Variants in IQGAP2 observed in about 807,000 individuals in gnomAD.
IQGAP2 encodes the protein ras GTPase-activating-like protein IQGAP2.
Under a neutral mutation model 201.3 loss-of-function variants are expected in IQGAP2, and 173 were observed. The ratio of observed to expected loss-of-function variants is 0.86; its 90% CI spans 0.76 to 0.98. The LOEUF is 0.98. Ranked by LOEUF, IQGAP2 falls within the 50% of genes least tolerant of loss-of-function variation. The probability of loss-of-function intolerance (pLI) is 0.00; values close to 1 mark genes in which losing one functional copy is unlikely to be tolerated. For missense variants in IQGAP2, 1,687 were observed against 1,864.8 expected (o/e 0.90, Z 1.76); for synonymous variants, 675 against 673.9 (o/e 1.00, Z -0.03).
At chr5:76,452,112 A>G (rs1753790827) in intron 1 of IQGAP2, among the ~76,000 whole-genome samples, 1 of 150,336 alleles carries the variant, frequency 6.7e-6, no homozygotes, top group Non-Finnish European at 1.5e-5. Context: ...GGTATAGAAT[A>G]TTTGGAAAAT....
chr5:76,658,556 A>G lies in IQGAP2; in HGVS notation c.2418A>G (p.Arg806=), dbSNP rs1370796402. Reference sequence around the variant, plus strand: ...TCCAGGAGGAACTAGAGGTTGCACGATTAAGGGAAGAAGTAGTGACCAAGA... The same window carrying G: ...TCCAGGAGGAACTAGAGGTTGCACGGTTAAGGGAAGAAGTAGTGACCAAGA... ...LDFQEELEVA[R]LREEVVTKIR... is the part of the protein sequence containing the mutation. Residue 806 remains arginine, a synonymous_variant, in exon 21 of 36, where the codon CGA becomes CGG. Coordinates refer to ENST00000274364, the MANE Select transcript of IQGAP2 (RefSeq NM_006633.5). 6.2e-7 allele frequency: 1 copy of G among 1,614,010 alleles called. No individual in the cohort carries two copies. Among genetic ancestry groups the G allele is most frequent in the African/African-American group, 1.3e-5 (1 of 74,918 alleles).
At position 76,590,531 on chromosome 5, in the gene IQGAP2, A is replaced by G. The variant is rs774395307; in HGVS notation, c.764A>G (p.Tyr255Cys). 33 of 1,613,642 alleles carry G rather than the reference A, an allele frequency of 2.0e-5. No homozygotes were observed. The highest frequency in any genetic ancestry group is 2.8e-5 in the Non-Finnish European group (33 of 1,179,834). The change falls in exon 8 of 36, where the codon TAT (tyrosine) becomes TGT (cysteine). Residue 255 changes from tyrosine (Y) to cysteine (C), a missense_variant. Tyr to Cys is a radical substitution (Grantham distance 194). Transcript: ENST00000274364. ...GTGGATGACAACCTTGCACCAGAAT[A>G]TCAGAAAGAACTCTGGGATGCCAAA... ...TLVDDNLAPE[Y>C]QKELWDAKKK...
chr5:76,416,443 C>T (rs1436708567), intron 1 of IQGAP2, among the ~76,000 whole-genome samples: 1 of 152,106 alleles, frequency 6.6e-6, no homozygotes, highest in Non-Finnish European at 1.5e-5. Flanking sequence ...AGACGAGAAG[C>T]ACTGTGATAG....
chr5:76,469,714 A>G (rs1233429444), intron 2 of IQGAP2, among the ~76,000 whole-genome samples: 1 of 152,102 alleles, frequency 6.6e-6, no homozygotes, highest in African/African-American at 2.4e-5. Flanking sequence ...TCAAAAAACT[A>G]ATATTGATGG....
intron 5 of IQGAP2, among the ~76,000 whole-genome samples, chr5:76,582,511 A>G (rs908486099): frequency 1.1e-4 from 16 of 152,214 alleles, no homozygotes; most frequent in Admixed American, 8.5e-4. Context: ...TTTCTGCTCT[A>G]CCATGAGGCT....
chr5:76,426,722 T>C (rs1324640066), intron 1 of IQGAP2, among the ~76,000 whole-genome samples: 1 of 152,176 alleles, frequency 6.6e-6, no homozygotes, highest in Non-Finnish European at 1.5e-5. Flanking sequence ...CTAAGGCCCC[T>C]TCCAGCTCTC....
chr5:76,449,224 G>A (rs1208925728), intron 1 of IQGAP2, among the ~76,000 whole-genome samples: 1 of 152,172 alleles, frequency 6.6e-6, no homozygotes, highest in Non-Finnish European at 1.5e-5. Context: ...TTCTCCAGAT[G>A]TGTTTTGCAC....
At chr5:76,547,303 T>G in intron 2 of IQGAP2, 1 of 239,334 alleles carries the variant, frequency 4.2e-6, no homozygotes, top group Non-Finnish European at 6.8e-6. Flanking sequence ...CTTTTGCCAG[T>G]TTTGTTTCTT....
At position 76,535,308 on chromosome 5, in the gene IQGAP2, A is replaced by T. The variant is rs115352191; in HGVS notation, c.147-27088A>T. Reference sequence around the variant, plus strand: ...TACAGGTGAGGGATACTTTGCCTTTATTGGATTTGAAAGTATAAAAAAAAA... The same window carrying T: ...TACAGGTGAGGGATACTTTGCCTTTTTTGGATTTGAAAGTATAAAAAAAAA... On this transcript the variant is annotated intron_variant, in intron 2 of 35. Transcript: ENST00000274364. 7.1e-3 allele frequency among the ~76,000 whole-genome samples: 1,074 copies of T among 152,224 alleles called. 18 individuals carry two copies. The highest frequency in any genetic ancestry group is 0.025 in the African/African-American group (1,029 of 41,544).
At chr5:76,567,481 T>C (rs2150264582) in intron 3 of IQGAP2, among the ~76,000 whole-genome samples, 1 of 152,318 alleles carries the variant, frequency 6.6e-6, no homozygotes, top group South Asian at 2.1e-4. Context: ...GGAGATATTG[T>C]GAGGCACAAA....
At chr5:76,551,610 C>T (rs911599474) in intron 2 of IQGAP2, among the ~76,000 whole-genome samples, 3 of 151,896 alleles carry the variant, frequency 2.0e-5, no homozygotes, top group Non-Finnish European at 2.9e-5. Flanking sequence ...CCCGGCACCT[C>T]GGGAGGCCGA....
Position 76,648,530 on chromosome 5 carries a change from G to T in IQGAP2, c.2095-4220G>T, listed in dbSNP as rs551321194. Among the ~76,000 whole-genome samples the T allele has an allele frequency of 1.9e-4, 29 of 152,250 alleles. No individual in the cohort carries two copies. The South Asian group carries it at 5.2e-3, about 27-fold the overall frequency. Reference sequence around the variant, plus strand: ...AAGAACCAAGAAAATCACAACTTAAGTTTAAAATAACAATTCCTAGGTGCC... The same window carrying T: ...AAGAACCAAGAAAATCACAACTTAATTTTAAAATAACAATTCCTAGGTGCC... On this transcript the variant is annotated intron_variant, in intron 17 of 35. Transcript: ENST00000274364.
chr5:76,535,945 G>C (rs997188895), intron 2 of IQGAP2, among the ~76,000 whole-genome samples: 1 of 151,830 alleles, frequency 6.6e-6, no homozygotes, highest in Admixed American at 6.5e-5. Context: ...GTTCTTATTG[G>C]CTGTGGTTGA....
chr5:76,637,251 G>T, intron 16 of IQGAP2, 75 bp downstream of exon 16: 1 of 1,216,802 alleles, frequency 8.2e-7, no homozygotes, highest in Admixed American at 2.4e-5. Flanking sequence ...TCTGAATCAT[G>T]GAAGTGATGA....
chr5:76,498,311 G>A (rs1757096989), intron 2 of IQGAP2, among the ~76,000 whole-genome samples: 1 of 152,172 alleles, frequency 6.6e-6, no homozygotes, highest in African/African-American at 2.4e-5. Context: ...CAATGTTTTT[G>A]TAGTTCTTCT....
Position 76,632,025 on chromosome 5 carries a change from A to C in IQGAP2, c.1779A>C (p.Arg593Ser). 1 of 1,601,228 alleles carries C rather than the reference A, an allele frequency of 6.2e-7. No homozygotes were observed. The highest frequency in any genetic ancestry group is 8.5e-7 in the Non-Finnish European group (1 of 1,174,818). The change falls in exon 15 of 36, where the codon AGA becomes AGC. Residue 593 changes from arginine to serine, a missense_variant and splice_region_variant. By Grantham distance (110) the Arg-to-Ser change is moderately radical. Coordinates refer to ENST00000274364, the MANE Select transcript of IQGAP2 (RefSeq NM_006633.5). ...LVKAKELKSE[R>S]VSSDGSWLKL... ...AGGCAAAAGAGCTCAAATCTGAAAG[A>C]GGTAAGTTGGTTTGTTACTTTAGCA...
chr5:76,450,137 C>G (rs1210064558), intron 1 of IQGAP2, among the ~76,000 whole-genome samples: 3 of 152,144 alleles, frequency 2.0e-5, no homozygotes, highest in Admixed American at 6.6e-5. Context: ...CTTTGTTGCC[C>G]TAGTGGGGTA....
At chr5:76,585,618 G>A (rs1486515416) in intron 5 of IQGAP2, among the ~76,000 whole-genome samples, 2 of 151,722 alleles carry the variant, frequency 1.3e-5, no homozygotes, top group African/African-American at 2.4e-5. Flanking sequence ...GGGTTCAAGC[G>A]ATTCTCCTGC....
At chr5:76,705,030 A>G (rs1284351697) in intron 35 of IQGAP2, among the ~76,000 whole-genome samples, 2 of 152,218 alleles carry the variant, frequency 1.3e-5, no homozygotes, top group Non-Finnish European at 1.5e-5. Context: ...ACAGGAGGAT[A>G]TGACTTATGT....
Sources: gnomAD v4.1 joint callset for allele counts (sites outside exome capture counted in the v4.1 genomes callset) on GRCh38, gnomAD v4.1.1 for gene constraint, MANE v1.5 for transcripts, NCBI Gene and HGNC (gene_info 2026-07-23, HGNC 2026-07-21) for gene names.